MTAP: variants seen among roughly 807,000 people sequenced by gnomAD.
The protein encoded by MTAP is S-methyl-5'-thioadenosine phosphorylase.
Under a neutral mutation model 33.6 loss-of-function variants are expected in MTAP, and 33 were observed. The observed-to-expected ratio is 0.98, with a 90% confidence interval of 0.74 to 1.31. The LOEUF (loss-of-function observed/expected upper bound fraction) is 1.31, where lower values mean the gene tolerates loss of function less well. Ranked by LOEUF, MTAP falls within the 40% of genes most tolerant of loss-of-function variation. The pLI is 0.00. For missense variants in MTAP, 367 were observed against 360.0 expected, an observed-to-expected ratio of 1.02 and a Z score of -0.16; for synonymous variants, 148 against 125.7, an observed-to-expected ratio of 1.18 and a Z score of -1.19.
intron 1 of MTAP, chr9:21,808,934 G>C (rs1365025020): frequency 6.6e-6 from 1 of 152,208 alleles, no homozygotes; most frequent in Admixed American, 6.5e-5. Context: ...TACAAGCCAA[G>C]GAGACTGACC....
At chr9:21,938,445 GAAAGAAAGAAAGGGAA>G (rs1314467109), downstream of MTAP, among the ~76,000 whole-genome samples, 1 of 150,576 alleles carries the variant, frequency 6.6e-6, no homozygotes, top group Admixed American at 6.6e-5. Flanking sequence ...GAAAAAAAAA[GAAAGAAAGAAAGGGAA>G]AAAGAAAGAA....
chr9:21,891,449 A>G (rs978228012), intron 1 of MTAP, among the ~76,000 whole-genome samples: 1 of 152,250 alleles, frequency 6.6e-6, no homozygotes, highest in Admixed American at 6.5e-5. Flanking sequence ...AGAAAGAAAC[A>G]GACTTATCTG....
chr9:21,803,150 T>A, intron 1 of MTAP: 2 of 419,798 alleles, frequency 4.8e-6, no homozygotes, highest in Non-Finnish European at 4.1e-6. Context: ...TGAGAACCAC[T>A]CTTCTTCCAA....
chr9:21,859,905 C>G (rs1243652733), intron 7 of MTAP: 1 of 152,296 alleles, frequency 6.6e-6, no homozygotes, highest in African/African-American at 2.4e-5. Context: ...GATAAACCAA[C>G]TCTAGTATTC....
rs1825854458 is a variant in MTAP at position 21,866,445 on chromosome 9, CTACTCA to C, written c.*4433_*4438del. 1 of 151,936 alleles carries C rather than the reference CTACTCA, an allele frequency of 6.6e-6. No individual in the cohort carries two copies. Among genetic ancestry groups the C allele is most frequent in the African/African-American group, 2.4e-5 (1 of 41,374 alleles). The allele number at this position is 151,936 out of a possible 1,614,324, so 9.4% of individuals were successfully genotyped here. ...TTTGTGTGTTCCAAGAAATCTTTGCCTACTCATTTAATTACCTGTGTGCCCTTGTCA... is the reference window on the plus strand; with the variant it reads ...TTTGTGTGTTCCAAGAAATCTTTGCCTTTAATTACCTGTGTGCCCTTGTCA... On this transcript the variant is annotated 3_prime_UTR_variant, in exon 8 of 8. Coordinates refer to ENST00000644715, the MANE Select transcript of MTAP (RefSeq NM_002451.4).
At chr9:21,918,617 G>A (rs1818733975) in intron 1 of MTAP, among the ~76,000 whole-genome samples, 1 of 152,100 alleles carries the variant, frequency 6.6e-6, no homozygotes, top group Non-Finnish European at 1.5e-5. Flanking sequence ...TTGTATTTTA[G>A]CCCCAATAAT....
intron 4 of MTAP, among the ~76,000 whole-genome samples, chr9:21,822,917 T>G (rs1221419085): frequency 6.6e-6 from 1 of 152,360 alleles, no homozygotes; most frequent in East Asian, 1.9e-4. Context: ...TTTGTTGGTT[T>G]AAAGTCTGTT....
At chr9:21,871,390 C>G (rs909129458), downstream of MTAP, among the ~76,000 whole-genome samples, 1 of 152,074 alleles carries the variant, frequency 6.6e-6, no homozygotes, top group Non-Finnish European at 1.5e-5. Flanking sequence ...CTTCTTTGCT[C>G]CACCATCATC....
intron 4 of MTAP, among the ~76,000 whole-genome samples, chr9:21,821,074 A>G (rs1354501621): frequency 6.6e-6 from 1 of 152,152 alleles, no homozygotes; most frequent in African/African-American, 2.4e-5. Flanking sequence ...TCTGCAAACA[A>G]GGACAATTTG....
Position 21,864,250 on chromosome 9 carries a change from C to T in MTAP, c.*2236C>T. 1.0e-6 allele frequency: 1 copy of T among 985,398 alleles called. No homozygotes were observed. Among genetic ancestry groups the T allele is most frequent in the Non-Finnish European group, 1.2e-6 (1 of 829,908 alleles). 61.0% of individuals were successfully genotyped at this position (985,398 alleles called of 1,614,324 possible). ...TCTTTTCTTTGTTCTCAATCATTCACTCCTTATGCAAAGCCAATATAATTT... is the reference window on the plus strand; with the variant it reads ...TCTTTTCTTTGTTCTCAATCATTCATTCCTTATGCAAAGCCAATATAATTT... On this transcript the variant is annotated 3_prime_UTR_variant, in exon 8 of 8. Coordinates refer to ENST00000644715, the MANE Select transcript of MTAP (RefSeq NM_002451.4).
chr9:21,815,582 T>A, intron 2 of MTAP, 63 bp downstream of exon 2: 1 of 1,074,482 alleles, frequency 9.3e-7, no homozygotes, highest in Non-Finnish European at 1.3e-6. Context: ...CTGGCTTGAT[T>A]TTTGAATTAA....
At chr9:21,832,492 T>C (rs1587226326) in intron 4 of MTAP, among the ~76,000 whole-genome samples, 2 of 152,356 alleles carry the variant, frequency 1.3e-5, no homozygotes. Flanking sequence ...TCCCTCACTC[T>C]TTAGCTGAGA....
chr9:21,817,062 C>T (rs1824493483), intron 3 of MTAP, among the ~76,000 whole-genome samples: 1 of 152,028 alleles, frequency 6.6e-6, no homozygotes, highest in African/African-American at 2.4e-5. Flanking sequence ...ATTTTTTTCC[C>T]CCTTCTTATA....
intron 1 of MTAP, 142 bp downstream of exon 1, chr9:21,802,923 C>A (rs117769854): frequency 9.7e-6 from 14 of 1,437,624 alleles, no homozygotes; most frequent in African/African-American, 1.5e-5. Flanking sequence ...GCGCGGCACT[C>A]GGGACTCACT....
chr9:21,852,198 G>T (rs921904741), intron 5 of MTAP, among the ~76,000 whole-genome samples: 3 of 152,104 alleles, frequency 2.0e-5, no homozygotes, highest in African/African-American at 7.2e-5. Context: ...AAGCTATGGG[G>T]ATGCAAAGGC....
intron 4 of MTAP, among the ~76,000 whole-genome samples, chr9:21,829,090 TAGTAAAGTGAATCTTGGTGTATTGAG>T (rs1253133592): frequency 6.6e-6 from 1 of 152,240 alleles, no homozygotes; most frequent in Non-Finnish European, 1.5e-5. Context: ...GCACATTTCT[TAGTAAAGTGAATCTTGGTGTATTGAG>T]ACGGGCATCT....
At chr9:21,841,882 C>G (rs938412683) in intron 5 of MTAP, among the ~76,000 whole-genome samples, 3 of 152,086 alleles carry the variant, frequency 2.0e-5, no homozygotes, top group Non-Finnish European at 4.4e-5. Context: ...TGTAACACCC[C>G]CAAAAGATCA....
At chr9:21,897,404 T>G (rs1046726918) in intron 1 of MTAP, among the ~76,000 whole-genome samples, 4 of 152,058 alleles carry the variant, frequency 2.6e-5, no homozygotes, top group African/African-American at 7.2e-5. Context: ...GAGAAAGAAA[T>G]AAAGGGTATC....
In MTAP at chr9:21,864,613, G is replaced by A. The variant is rs951356826; in HGVS notation, c.*2599G>A. On this transcript the variant is annotated 3_prime_UTR_variant, in exon 8 of 8. Coordinates refer to ENST00000644715, the MANE Select transcript of MTAP (RefSeq NM_002451.4). ...CCGAGGGTCATGGTCCTTGTGACCT[G>A]GCCCCTGTTCACTGCCCCCTTCGCT... The A allele has an allele frequency of 1.2e-5, 12 of 985,368 alleles. No homozygotes were observed. The highest frequency in any genetic ancestry group is 3.5e-5 in the African/African-American group (2 of 57,216). The allele number at this position is 985,368 out of a possible 1,614,324, so 61.0% of individuals were successfully genotyped here.
Sources: allele counts gnomAD v4.1 joint callset (sites outside exome capture counted in the v4.1 genomes callset), GRCh38; gene constraint gnomAD v4.1.1; transcripts MANE v1.5; gene names NCBI Gene and HGNC (gene_info 2026-07-23, HGNC 2026-07-21).